The following NCKAP1 variants were observed in gnomAD, a reference collection of about 807,000 sequenced individuals.
The protein encoded by NCKAP1 is nck-associated protein 1.
A neutral mutation model predicts 151.2 loss-of-function variants in NCKAP1; 21 were observed. The observed-to-expected ratio is 0.14, with a 90% CI of 0.10 to 0.20. NCKAP1 has a LOEUF of 0.20. NCKAP1 is among the 10% of genes least tolerant of loss of function. The pLI, the probability that NCKAP1 is intolerant of heterozygous loss-of-function variation, is 1.00. For missense variants in NCKAP1, 933 were observed against 1,352.1 expected, an observed-to-expected ratio of 0.69 and a Z score of 4.86; for synonymous variants, 484 against 451.8, an observed-to-expected ratio of 1.07 and a Z score of -0.90.
chr2:182,959,692 C>A (rs997772132), intron 18 of NCKAP1, among the ~76,000 whole-genome samples: 1 of 152,186 alleles, frequency 6.6e-6, no homozygotes, highest in African/African-American at 2.4e-5. Flanking sequence ...CAGGGATGCC[C>A]TCTCTCACCA....
At chr2:183,010,814 C>A (rs973620269) in intron 2 of NCKAP1, among the ~76,000 whole-genome samples, 2 of 152,116 alleles carry the variant, frequency 1.3e-5, no homozygotes, top group Non-Finnish European at 2.9e-5. Flanking sequence ...ACACAATTTA[C>A]CTCACTTAAT....
intron 2 of NCKAP1, among the ~76,000 whole-genome samples, chr2:183,003,732 CA>C (rs1208259818): frequency 1.3e-5 from 2 of 151,870 alleles, no homozygotes; most frequent in African/African-American, 4.8e-5. Context: ...TGGAACTTAC[CA>C]AAAAGAACAT....
intron 21 of NCKAP1, 27 bp from the exon 22 acceptor site, chr2:182,952,950 G>A (rs373070056): frequency 5.6e-5 from 89 of 1,590,846 alleles, no homozygotes; most frequent in African/African-American, 4.6e-4. Context: ...ACTTATAACC[G>A]GAAGAAACTG....
chr2:182,937,666 T>TA (rs943725391), intron 24 of NCKAP1, among the ~76,000 whole-genome samples: 38 of 150,030 alleles, frequency 2.5e-4, no homozygotes, highest in African/African-American at 5.9e-4. Context: ...TGACCCAAAT[T>TA]AAAAAAAAAA....
Position 182,962,294 on chromosome 2 carries a change from A to G in NCKAP1, c.1762-16T>C. On this transcript the variant is annotated splice_polypyrimidine_tract_variant and intron_variant, in intron 17 of 30. Transcript: ENST00000361354. ...TATGATGTCGCTGTGAAGGCAGAAT[A>G]ATAATAATAATACAAGTTATAAAGA... The G allele has an allele frequency of 1.3e-6, 2 of 1,572,630 alleles. No homozygotes were observed. The highest frequency in any genetic ancestry group is 1.7e-6 in the Non-Finnish European group (2 of 1,150,668).
intron 2 of NCKAP1, among the ~76,000 whole-genome samples, chr2:183,015,636 A>T (rs1038143912): frequency 6.6e-6 from 1 of 152,062 alleles, no homozygotes; most frequent in Non-Finnish European, 1.5e-5. Context: ...TTAGGAAGAG[A>T]GATTCCTTTT....
At chr2:182,987,028 G>A (rs1178553924) in intron 9 of NCKAP1, among the ~76,000 whole-genome samples, 4 of 152,244 alleles carry the variant, frequency 2.6e-5, no homozygotes, top group Admixed American at 1.3e-4. Context: ...GATCACTTGA[G>A]GGCAGGAGTT....
chr2:182,998,368 A>C (rs2105871494), intron 6 of NCKAP1, among the ~76,000 whole-genome samples: 1 of 152,264 alleles, frequency 6.6e-6, no homozygotes, highest in South Asian at 2.1e-4. Flanking sequence ...AAAGAAATAA[A>C]AGGCATCCAA....
intron 17 of NCKAP1, among the ~76,000 whole-genome samples, chr2:182,963,805 T>C (rs1697505869): frequency 6.6e-6 from 1 of 152,108 alleles, no homozygotes; most frequent in South Asian, 2.1e-4. Context: ...AATTCATAAA[T>C]CTATTAAAAT....
chr2:182,973,703 C>T (rs1697745958), intron 15 of NCKAP1, among the ~76,000 whole-genome samples: 1 of 152,168 alleles, frequency 6.6e-6, no homozygotes, highest in South Asian at 2.1e-4. Flanking sequence ...AATTCTTGCA[C>T]TTCTACCTGA....
intron 18 of NCKAP1, among the ~76,000 whole-genome samples, chr2:182,959,940 AACAG>A (rs1408741729): frequency 1.3e-5 from 2 of 152,058 alleles, no homozygotes; most frequent in African/African-American, 2.4e-5. Context: ...ATACACCAAT[AACAG>A]ACAGAGAGCC....
At chr2:182,964,195 G>A (rs1697515602) in intron 17 of NCKAP1, among the ~76,000 whole-genome samples, 1 of 152,150 alleles carries the variant, frequency 6.6e-6, no homozygotes, top group African/African-American at 2.4e-5. Flanking sequence ...AACTGTGTGT[G>A]TGTATGCACA....
chr2:183,003,095 A>C (rs1400072859), intron 3 of NCKAP1, 65 bp from the exon 4 acceptor site: 2 of 1,441,296 alleles, frequency 1.4e-6, no homozygotes, highest in Non-Finnish European at 1.9e-6. Flanking sequence ...GAAAACACAA[A>C]CAAATAAGGT....
At chr2:182,988,890 A>G in intron 9 of NCKAP1, 140 bp downstream of exon 9, 1 of 605,608 alleles carries the variant, frequency 1.7e-6, no homozygotes, top group Non-Finnish European at 2.7e-6. Context: ...GTTAAAAACA[A>G]CTTCCTGGGA....
At chr2:182,966,736 A>G (rs1355173057) in intron 16 of NCKAP1, among the ~76,000 whole-genome samples, 1 of 152,208 alleles carries the variant, frequency 6.6e-6, no homozygotes, top group Non-Finnish European at 1.5e-5. Flanking sequence ...AAATAAACTA[A>G]GTATAACAAA....
intron 1 of NCKAP1, among the ~76,000 whole-genome samples, chr2:183,035,259 C>G (rs1348782600): frequency 1.3e-5 from 2 of 151,448 alleles, no homozygotes; most frequent in African/African-American, 4.9e-5. Context: ...ATATTAAGAT[C>G]TCAAAATTTT....
rs545773841 is a variant in NCKAP1, at chr2:183,023,654, G to C, written c.219+152C>G. 326 of 536,774 alleles carry C rather than the reference G, an allele frequency of 6.1e-4. 4 individuals are homozygous for C. Among genetic ancestry groups the C allele is most frequent in the African/African-American group, 5.3e-3 (268 of 51,026 alleles). The allele number at this position is 536,774 out of a possible 1,614,324, so 33.3% of individuals were successfully genotyped here. ...TATTTTTTTCCGGTCTCGGACATAA[G>C]AATATTGTCTCAAAAAAACCCTTAA... On this transcript the variant is annotated intron_variant, in intron 2 of 30. Transcript: ENST00000361354.
Position 182,934,761 on chromosome 2 carries a change from A to C in NCKAP1, c.2850T>G (p.Thr950=). Reference sequence around the variant, plus strand: ...TAAATTATATTATTACCTTCATATCAGTTTCCCTTGGAATGTGATCCTTAA... The same window carrying C: ...TAAATTATATTATTACCTTCATATCCGTTTCCCTTGGAATGTGATCCTTAA... ...EDFKDHIPRE[T]DMKVAMNVYE... The change falls in exon 26 of 31, where the codon ACT becomes ACG. Residue 950 remains threonine, a synonymous_variant. Coordinates refer to ENST00000361354, the MANE Select transcript of NCKAP1 (RefSeq NM_013436.5). 6.9e-7 allele frequency: 1 copy of C among 1,448,654 alleles called. No homozygotes were observed. Among genetic ancestry groups the C allele is most frequent in the Non-Finnish European group, 9.6e-7 (1 of 1,039,014 alleles). The allele number at this position is 1,448,654 out of a possible 1,614,324, so 89.7% of individuals were successfully genotyped here.
rs4018678 is a variant in NCKAP1, at chr2:182,984,423, G to GGTGTGTGTGT, written c.1005-1051_1005-1042dup. Among the ~76,000 whole-genome samples, 15 of 144,282 alleles carry GGTGTGTGTGT rather than the reference G, an allele frequency of 1.0e-4. 1 individual carries two copies. Among genetic ancestry groups the GGTGTGTGTGT allele is most frequent in the African/African-American group, 7.5e-5 (3 of 39,852 alleles). 94.7% of individuals were successfully genotyped at this position (144,282 alleles called of 152,430 possible). A position where few individuals can be genotyped will look rare whatever the true frequency, so the allele number is the denominator to read the frequency against. On this transcript the variant is annotated intron_variant, in intron 10 of 30. Coordinates refer to ENST00000361354, the MANE Select transcript of NCKAP1 (RefSeq NM_013436.5). ...AAGAAAGTTTTAGAATTTAGATTGG[G>GGTGTGTGTGT]GTGTGTGTGTGTGTGTGTGTGTGTG...
Sources: allele counts gnomAD v4.1 joint callset (sites outside exome capture counted in the v4.1 genomes callset), GRCh38; gene constraint gnomAD v4.1.1; transcripts MANE v1.5; gene names NCBI Gene and HGNC (gene_info 2026-07-23, HGNC 2026-07-21).